Variants in PPP2R1B observed in about 807,000 individuals in gnomAD.
PPP2R1B encodes the protein serine/threonine-protein phosphatase 2A 65 kDa regulatory subunit A beta isoform.
In PPP2R1B, 58 loss-of-function variants were observed where a neutral mutation model predicts 72.7. That is an observed-to-expected ratio of 0.80 (90% CI 0.65 to 0.99). The LOEUF is 0.99. PPP2R1B is among the 50% of genes least tolerant of loss of function. The probability of loss-of-function intolerance (pLI) is 0.00; values close to 1 mark genes in which losing one functional copy is unlikely to be tolerated. For synonymous variants in PPP2R1B, 256 were observed against 264.6 expected, an observed-to-expected ratio of 0.97 and a Z score of 0.32; for missense variants, 695 against 733.6, an observed-to-expected ratio of 0.95 and a Z score of 0.61.
chr11:111,711,281 G>A, the PPP2R1B span, among the ~76,000 whole-genome samples: 5 of 152,112 alleles, frequency 3.3e-5, no homozygotes, highest in East Asian at 9.7e-4. Context: ...ACCACACCCA[G>A]CTAATTTTTT....
the PPP2R1B span, among the ~76,000 whole-genome samples, chr11:111,690,354 CAAA>C: frequency 6.6e-6 from 1 of 150,574 alleles, no homozygotes; most frequent in African/African-American, 2.4e-5. Flanking sequence ...CCCTTATTAC[CAAA>C]ACGAAATATT....
downstream of PPP2R1B, among the ~76,000 whole-genome samples, chr11:111,723,187 T>C (rs1478564606): frequency 1.3e-5 from 2 of 152,150 alleles, no homozygotes; most frequent in Non-Finnish European, 2.9e-5. Context: ...GAGGCCAAGG[T>C]GTGATTATCT....
At chr11:111,691,096 T>C in the PPP2R1B span, among the ~76,000 whole-genome samples, 3 of 152,216 alleles carry the variant, frequency 2.0e-5, no homozygotes, top group African/African-American at 7.2e-5. Flanking sequence ...TATAACCAAG[T>C]TTTGCCTGGC....
Position 111,766,353 on chromosome 11 carries a change from GC to G in PPP2R1B, c.8del (p.Gly3AlafsTer26). 4.9e-6 allele frequency: 7 copies of G among 1,434,066 alleles called. No individual in the cohort carries two copies. Among genetic ancestry groups the G allele is most frequent in the Non-Finnish European group, 5.5e-6 (6 of 1,086,424 alleles). The allele number at this position is 1,434,066 out of a possible 1,614,324, so 88.8% of individuals were successfully genotyped here. Reference sequence around the variant, plus strand: ...CTGGGCCGGTCCCGAGCTCTGATGCGCCCGCCATGTTCTTTCTCCTCCTGCT... The same window carrying G: ...CTGGGCCGGTCCCGAGCTCTGATGCGCCGCCATGTTCTTTCTCCTCCTGCT... MA[G>X]ASELGTGPGA... On this transcript the variant is annotated frameshift_variant, in exon 1 of 15. Coordinates refer to ENST00000527614, the MANE Select transcript of PPP2R1B (RefSeq NM_002716.5). LOFTEE classifies it high-confidence loss of function.
At chr11:111,722,756 G>A (rs143915033), downstream of PPP2R1B, 2 of 1,613,324 alleles carry the variant, frequency 1.2e-6, no homozygotes, top group African/African-American at 2.7e-5. The surrounding 1 kb of genome is among the most constrained non-coding windows in gnomAD (Gnocchi z 4.4). Context: ...CAGGAACATA[G>A]GTGAGAAGGG....
At chr11:111,721,322 A>T in the PPP2R1B span, among the ~76,000 whole-genome samples, 1 of 152,164 alleles carries the variant, frequency 6.6e-6, no homozygotes, top group Admixed American at 6.5e-5. Flanking sequence ...CAGAGTACAG[A>T]TGAGTGACCT....
chr11:111,709,375 T>C, the PPP2R1B span, among the ~76,000 whole-genome samples: 48 of 152,334 alleles, frequency 3.2e-4, no homozygotes, highest in African/African-American at 1.1e-3. Flanking sequence ...GGGGCTCAAC[T>C]TGTGAATTTT....
At chr11:111,727,143 C>T (rs894761977) in intron 15 of PPP2R1B, 1 of 1,107,874 alleles carries the variant, frequency 9.0e-7, no homozygotes, top group South Asian at 1.3e-5. Context: ...CCAGCTGCCC[C>T]CTCGCCACCT....
the PPP2R1B span, among the ~76,000 whole-genome samples, chr11:111,718,168 T>C: frequency 6.6e-6 from 1 of 152,236 alleles, no homozygotes; most frequent in East Asian, 1.9e-4. Context: ...GGATGCTCAA[T>C]AGATAATTAA....
downstream of PPP2R1B, chr11:111,723,413 C>A: frequency 7.1e-7 from 1 of 1,402,196 alleles, no homozygotes; most frequent in Non-Finnish European, 9.7e-7. Context: ...AAGACTGAAG[C>A]TAGTGACTGG....
chr11:111,707,046 T>G, the PPP2R1B span, among the ~76,000 whole-genome samples: 1 of 151,986 alleles, frequency 6.6e-6, no homozygotes, highest in African/African-American at 2.4e-5. Flanking sequence ...TTAGGGTATC[T>G]TTGAGCACTT....
Position 111,739,544 on chromosome 11 carries a change from C to T in PPP2R1B, c.*2052G>A, listed in dbSNP as rs1944450781. 2 of 985,254 alleles carry T rather than the reference C, an allele frequency of 2.0e-6. No individual in the cohort carries two copies. The highest frequency in any genetic ancestry group is 1.1e-4 in the East Asian group (1 of 8,830). 61.0% of individuals were successfully genotyped at this position (985,254 alleles called of 1,614,324 possible). ...GACCCATGCTTGAGAAAGCCAGGGC[C>T]CACTCTCCCTCTCTCAAACAGTTTT... On this transcript the variant is annotated 3_prime_UTR_variant, in exon 15 of 15. Transcript: ENST00000527614.
chr11:111,704,546 A>G, the PPP2R1B span, among the ~76,000 whole-genome samples: 1 of 152,218 alleles, frequency 6.6e-6, no homozygotes, highest in Non-Finnish European at 1.5e-5. Flanking sequence ...AGTTCTCCAC[A>G]TACTTTAACC....
At chr11:111,744,865 T>C (rs1366736115) in intron 11 of PPP2R1B, among the ~76,000 whole-genome samples, 1 of 152,086 alleles carries the variant, frequency 6.6e-6, no homozygotes. Flanking sequence ...AAACTGACAG[T>C]CTACAGGAGA....
chr11:111,722,878 T>TCA (rs767007435), downstream of PPP2R1B: 14 of 831,000 alleles, frequency 1.7e-5, no homozygotes, highest in Non-Finnish European at 2.7e-5. This position sits in a 1 kb window ranked among gnomAD's most constrained non-coding sequence, Gnocchi z 4.4. Context: ...TCTGCGTGTG[T>TCA]CACAGGCCCT....
At chr11:111,701,417 TG>T in the PPP2R1B span, 1 of 1,600,076 alleles carries the variant, frequency 6.2e-7, no homozygotes, top group South Asian at 1.1e-5. The surrounding 1 kb of genome is among the most constrained non-coding windows in gnomAD (Gnocchi z 4.2). Context: ...TTGACGTTCT[TG>T]GTAGAAAAGT....
Position 111,743,414 on chromosome 11 carries a change from T to C in PPP2R1B, c.1516A>G (p.Asn506Asp). Reference protein sequence around the residue: ...PKVLVMANDPNYLHRMTTLFC... With the variant: ...PKVLVMANDPDYLHRMTTLFC... ...AAAGTGGTCATTCTATGCAAGTAAT[T>C]AGGATCATTTGCCATTACTAACACT... The change falls in exon 12 of 15, where the codon AAT becomes GAT. Residue 506 changes from asparagine (N) to aspartate (D), a missense_variant. Physicochemically the swap from Asn to Asp is conservative, Grantham distance 23. Coordinates refer to ENST00000527614, the MANE Select transcript of PPP2R1B (RefSeq NM_002716.5). The C allele has an allele frequency of 6.2e-7, 1 of 1,612,634 alleles. No individual in the cohort carries two copies. Among genetic ancestry groups the C allele is most frequent in the Non-Finnish European group, 8.5e-7 (1 of 1,178,694 alleles).
chr11:111,748,946 A>C (rs1944801937), intron 10 of PPP2R1B, among the ~76,000 whole-genome samples: 1 of 151,806 alleles, frequency 6.6e-6, no homozygotes, highest in Non-Finnish European at 1.5e-5. Flanking sequence ...TCCCGGGTTC[A>C]AGTGATTCTC....
rs200736456 is a variant in PPP2R1B at position 111,753,471 on chromosome 11, G to C, written c.1136C>G (p.Pro379Arg). Reference sequence around the variant, plus strand: ...ATCCTTTAACTGAGCTAAGAAAAGAGGTAGAAGATGTTCAATGGTATTTTC... The same window carrying C: ...ATCCTTTAACTGAGCTAAGAAAAGACGTAGAAGATGTTCAATGGTATTTTC... ...GKENTIEHLL[P>R]LFLAQLKDEC... The change falls in exon 9 of 15, where the codon CCT becomes CGT. Residue 379 changes from proline (P) to arginine (R), a missense_variant. Pro to Arg is a moderately radical substitution (Grantham distance 103, BLOSUM62 -2). Coordinates refer to ENST00000527614, the MANE Select transcript of PPP2R1B (RefSeq NM_002716.5). 9.3e-6 allele frequency: 15 copies of C among 1,613,736 alleles called. No homozygotes were observed. The highest frequency in any genetic ancestry group is 1.2e-5 in the Non-Finnish European group (14 of 1,179,886).
Sources: allele counts gnomAD v4.1 joint callset (sites outside exome capture counted in the v4.1 genomes callset), GRCh38; gene constraint gnomAD v4.1.1; non-coding constraint Gnocchi (gnomAD v3.1); transcripts MANE v1.5; gene names NCBI Gene and HGNC (gene_info 2026-07-23, HGNC 2026-07-21).